PIWIL2: variants seen among roughly 807,000 people sequenced by gnomAD.
PIWIL2 encodes piwi like RNA-mediated gene silencing 2.
A neutral mutation model predicts 116.5 loss-of-function variants in PIWIL2; 81 were observed. The observed-to-expected ratio is 0.70, with a 90% CI of 0.58 to 0.84. The LOEUF (loss-of-function observed/expected upper bound fraction) is 0.84. Ranked by LOEUF, PIWIL2 falls within the 40% of genes least tolerant of loss-of-function variation. The probability of loss-of-function intolerance (pLI) is 0.00; values close to 1 mark genes in which losing one functional copy is unlikely to be tolerated. For synonymous variants in PIWIL2, 489 were observed against 429.5 expected, an observed-to-expected ratio of 1.14 and a Z score of -1.71; for missense variants, 1,272 against 1,212.3, an observed-to-expected ratio of 1.05 and a Z score of -0.73.
intron 10 of PIWIL2, among the ~76,000 whole-genome samples, chr8:22,294,412 C>A (rs1458610755): frequency 6.8e-6 from 1 of 147,176 alleles, no homozygotes; most frequent in Middle Eastern, 3.5e-3. Context: ...GAGGCCGAGG[C>A]GGGCAGATCA....
At position 22,304,950 on chromosome 8, in the gene PIWIL2, G is replaced by A. The variant is rs1831140187; in HGVS notation, c.1455+82G>A. 3.2e-6 allele frequency: 3 copies of A among 930,014 alleles called. No individual in the cohort carries two copies. The South Asian group carries it at 4.1e-5, about 13-fold the overall frequency. The allele number at this position is 930,014 out of a possible 1,614,324, so 57.6% of individuals were successfully genotyped here. On this transcript the variant is annotated intron_variant, in intron 12 of 22. Transcript: ENST00000356766. ...CTTTTAGCCGTCCTCATGGCTTTGT[G>A]GGAGCTGTGGAGTAGCAATCGTAGT...
In PIWIL2 at chr8:22,290,263, C is replaced by T. The variant is rs1415419098; in HGVS notation, c.1098C>T (p.Ser366=). The T allele has an allele frequency of 2.5e-6, 4 of 1,610,218 alleles. No individual in the cohort carries two copies. The highest frequency in any genetic ancestry group is 3.4e-6 in the Non-Finnish European group (4 of 1,176,876). ...RLQIWPGYAA[S]IRRTDGGLFL... is the part of the protein sequence containing the mutation. ...AGATCTGGCCAGGCTATGCAGCTAGCATCCGAAGGACAGATGGAGGGCTCT... is the reference window on the plus strand; with the variant it reads ...AGATCTGGCCAGGCTATGCAGCTAGTATCCGAAGGACAGATGGAGGGCTCT... The change falls in exon 10 of 23, where the codon AGC becomes AGT. Residue 366 remains serine (S), a synonymous_variant. Coordinates refer to ENST00000356766, the MANE Select transcript of PIWIL2 (RefSeq NM_018068.5).
chr8:22,281,064 C>G, intron 2 of PIWIL2, 56 bp from the exon 3 acceptor site: 1 of 1,027,314 alleles, frequency 9.7e-7, no homozygotes, highest in South Asian at 1.4e-5. Context: ...TAAGAAAGCC[C>G]TTGTTTCTGG....
At chr8:22,294,434 G>A (rs148194871) in intron 10 of PIWIL2, among the ~76,000 whole-genome samples, 11,767 of 150,366 alleles carry the variant, frequency 0.078, 522 homozygotes, top group Admixed American at 0.1. Flanking sequence ...GAAGTCAGGC[G>A]ATCGAGACCA....
At chr8:22,301,319 G>C (rs568122736) in intron 10 of PIWIL2, among the ~76,000 whole-genome samples, 2 of 151,946 alleles carry the variant, frequency 1.3e-5, no homozygotes, top group South Asian at 4.2e-4. Flanking sequence ...TATTTTTTGA[G>C]ACAGCGTATC....
chr8:22,305,823 G>C, intron 12 of PIWIL2, 104 bp from the exon 13 acceptor site: 1 of 774,350 alleles, frequency 1.3e-6, no homozygotes, highest in South Asian at 1.5e-5. Flanking sequence ...TAGTGCGCAA[G>C]GTATATCACT....
rs1424657401 is a variant in PIWIL2 at position 22,356,781 on chromosome 8, C to T, written c.*1276C>T. 6.6e-6 allele frequency: 1 copy of T among 152,158 alleles called. No homozygotes were observed. The highest frequency in any genetic ancestry group is 2.4e-5 in the African/African-American group (1 of 41,450). 9.4% of individuals were successfully genotyped at this position (152,158 alleles called of 1,614,324 possible). ...GCTTTGGAAAACGTGACACTCCTAC[C>T]AAAGTCCAGATGGTTAGAAAGTTAT... On this transcript the variant is annotated 3_prime_UTR_variant, in exon 23 of 23. Transcript: ENST00000356766.
Position 22,281,189 on chromosome 8 carries a change from C to T in PIWIL2, c.268C>T (p.Arg90Trp), listed in dbSNP as rs150307872. ...IETVSKTPLKREMLPSGRGIL... is the reference protein window; with the variant it reads ...IETVSKTPLKWEMLPSGRGIL... ...AACAGTTTCTAAGACCCCTCTGAAA[C>T]GGGAAATGCTTCCATCAGGTATGTG... Residue 90 changes from arginine (R) to tryptophan (W), a missense_variant, in exon 3 of 23, where the codon CGG becomes TGG. Coordinates refer to ENST00000356766, the MANE Select transcript of PIWIL2 (RefSeq NM_018068.5). The T allele has an allele frequency of 5.7e-5, 92 of 1,611,080 alleles. 1 individual carries two copies. The highest frequency in any genetic ancestry group is 4.4e-4 in the African/African-American group (33 of 74,814).
chr8:22,294,900 G>GAAAAAAAA (rs57742067), intron 10 of PIWIL2, among the ~76,000 whole-genome samples: 1 of 93,650 alleles, frequency 1.1e-5, no homozygotes. Flanking sequence ...ATCTTTACTG[G>GAAAAAAAA]AAAAAAAAAA....
chr8:22,316,488 G>A (rs546548349), intron 19 of PIWIL2, among the ~76,000 whole-genome samples, 155 bp downstream of exon 19: 20 of 151,058 alleles, frequency 1.3e-4, no homozygotes, highest in Non-Finnish European at 2.4e-4. Flanking sequence ...TTTTTTTCGG[G>A]GGGGAGGGGT....
intron 10 of PIWIL2, among the ~76,000 whole-genome samples, chr8:22,292,039 AG>A (rs1830779420): frequency 6.6e-6 from 1 of 152,144 alleles, no homozygotes; most frequent in Non-Finnish European, 1.5e-5. Flanking sequence ...AGCCAGGTGA[AG>A]GGAGAAGAAG....
At chr8:22,309,279 AT>A (rs1255121911) in intron 14 of PIWIL2, among the ~76,000 whole-genome samples, 2 of 151,968 alleles carry the variant, frequency 1.3e-5, no homozygotes, top group East Asian at 3.9e-4. Flanking sequence ...ATTAAGTCCA[AT>A]TTATGAAGGT....
intron 20 of PIWIL2, among the ~76,000 whole-genome samples, chr8:22,333,654 A>G (rs534103183): frequency 6.6e-6 from 1 of 152,080 alleles, no homozygotes; most frequent in South Asian, 2.1e-4. Flanking sequence ...TTTATAAGAA[A>G]TGTTCAGAAC....
intron 20 of PIWIL2, chr8:22,321,999 A>G: frequency 1.0e-6 from 1 of 984,562 alleles, no homozygotes; most frequent in Non-Finnish European, 1.2e-6. Context: ...GCAATAATAA[A>G]ATGCTTCCAA....
At position 22,356,512 on chromosome 8, in the gene PIWIL2, C is replaced by T. The variant is rs1224046730; in HGVS notation, c.*1007C>T. ...CCAAATATACACATGCTCTTTTGCTCTTTGTGCCTGATCTTCAGTAATTTT... is the reference window on the plus strand; with the variant it reads ...CCAAATATACACATGCTCTTTTGCTTTTTGTGCCTGATCTTCAGTAATTTT... On this transcript the variant is annotated 3_prime_UTR_variant, in exon 23 of 23. Coordinates refer to ENST00000356766, the MANE Select transcript of PIWIL2 (RefSeq NM_018068.5). The T allele has an allele frequency of 6.6e-6, 1 of 152,168 alleles. No homozygotes were observed. The highest frequency in any genetic ancestry group is 1.5e-5 in the Non-Finnish European group (1 of 68,042). The allele number at this position is 152,168 out of a possible 1,614,324, so 9.4% of individuals were successfully genotyped here.
intron 20 of PIWIL2, among the ~76,000 whole-genome samples, chr8:22,340,830 G>C (rs554646850): frequency 6.6e-6 from 1 of 151,896 alleles, no homozygotes; most frequent in Non-Finnish European, 1.5e-5. Flanking sequence ...TCCCACCTCC[G>C]CCTCCCAAGT....
chr8:22,354,271 G>T lies in PIWIL2; in HGVS notation c.2658G>T (p.Trp886Cys). 1 of 1,602,122 alleles carries T rather than the reference G, an allele frequency of 6.2e-7. No individual in the cohort carries two copies. The highest frequency in any genetic ancestry group is 8.6e-7 in the Non-Finnish European group (1 of 1,169,162). Reference sequence around the variant, plus strand: ...ACTGATTTATGGTTTTCCTTCCTAGGGTGGATTTCTATCTTCTTGCCCATC... The same window carrying T: ...ACTGATTTATGGTTTTCCTTCCTAGTGTGGATTTCTATCTTCTTGCCCATC... Reference protein sequence around the residue: ...VVDHTITSCEWVDFYLLAHHV... With the variant: ...VVDHTITSCECVDFYLLAHHV... The change falls in exon 22 of 23, where the codon TGG becomes TGT. Residue 886 changes from tryptophan to cysteine, a missense_variant and splice_region_variant. Coordinates refer to ENST00000356766, the MANE Select transcript of PIWIL2 (RefSeq NM_018068.5).
chr8:22,281,019 T>C, intron 2 of PIWIL2, 101 bp from the exon 3 acceptor site: 1 of 684,594 alleles, frequency 1.5e-6, no homozygotes, highest in South Asian at 1.9e-5. Flanking sequence ...ATAACATGTA[T>C]AGAATTTGAA....
chr8:22,315,380 G>C (rs1311108089), intron 18 of PIWIL2, among the ~76,000 whole-genome samples: 1 of 152,120 alleles, frequency 6.6e-6, no homozygotes, highest in Non-Finnish European at 1.5e-5. Flanking sequence ...GCGATGGCAC[G>C]ATCTTGGCTC....
Sources: allele counts gnomAD v4.1 joint callset (sites outside exome capture counted in the v4.1 genomes callset), GRCh38; gene constraint gnomAD v4.1.1; transcripts MANE v1.5; gene names NCBI Gene and HGNC (gene_info 2026-07-23, HGNC 2026-07-21).